The following HDAC11 variants were observed in gnomAD, a reference collection of about 807,000 sequenced individuals.
The protein encoded by HDAC11 is histone deacetylase 11.
In HDAC11, 23 loss-of-function variants were observed where a neutral mutation model predicts 41.1. That is an observed-to-expected ratio of 0.56 (90% CI 0.40 to 0.79). HDAC11 has a LOEUF of 0.79. Ranked by LOEUF, HDAC11 falls within the 30% of genes least tolerant of loss-of-function variation. HDAC11 has a pLI of 0.00. For synonymous variants in HDAC11, 187 were observed against 186.6 expected (o/e 1.00, Z -0.02); for missense variants, 402 against 477.3 (o/e 0.84, Z 1.47).
chr3:13,504,498 C>G lies in HDAC11; in HGVS notation c.859C>G (p.Arg287Gly). 1.2e-6 allele frequency: 2 copies of G among 1,613,396 alleles called. No homozygotes were observed. Among genetic ancestry groups the G allele is most frequent in the Non-Finnish European group, 1.7e-6 (2 of 1,180,014 alleles). The change falls in exon 10 of 10, where the codon CGG becomes GGG. Residue 287 changes from arginine (R) to glycine (G), a missense_variant. By Grantham distance (125) the Arg-to-Gly change is moderately radical (BLOSUM62 -2). Coordinates refer to ENST00000295757, the MANE Select transcript of HDAC11 (RefSeq NM_024827.4). Reference sequence around the variant, plus strand: ...CGTGAAGCGGGATGAGCTGGTGTTCCGGATGGTCCGTGGCCGCCGGGTGCC... The same window carrying G: ...CGTGAAGCGGGATGAGCTGGTGTTCGGGATGGTCCGTGGCCGCCGGGTGCC... ...GIVKRDELVF[R>G]MVRGRRVPIL...
intron 5 of HDAC11, among the ~76,000 whole-genome samples, chr3:13,499,830 T>C (rs1375375288): frequency 6.6e-6 from 1 of 152,204 alleles, no homozygotes; most frequent in East Asian, 1.9e-4. Flanking sequence ...TGGCAGGTGT[T>C]ACTGCCTGGT....
chr3:13,480,328 T>C lies in HDAC11; in HGVS notation c.-20T>C. 1 of 1,227,454 alleles carries C rather than the reference T, an allele frequency of 8.1e-7. No homozygotes were observed. The highest frequency in any genetic ancestry group is 3.8e-5 in the South Asian group (1 of 26,344). The allele number at this position is 1,227,454 out of a possible 1,614,324, so 76.0% of individuals were successfully genotyped here. On this transcript the variant is annotated 5_prime_UTR_variant, in exon 1 of 10. Transcript: ENST00000295757. The surrounding 1 kb of genome is among the most constrained non-coding windows in gnomAD (Gnocchi z 4.6). ...CCCGGTCGCGGAGCTGCGGCCAGCT[T>C]TGGGAGGGCCGGCCCCGGGATGTGA... is the stretch of plus-strand genomic sequence containing the variant.
chr3:13,502,657 G>A lies in HDAC11; in HGVS notation c.553-227G>A, dbSNP rs75342174. Reference sequence around the variant, plus strand: ...GAGCGGGATTTCTTCCTCTGATAGGGAACCTAAGAGCACTGGGCTTGCTCA... The same window carrying A: ...GAGCGGGATTTCTTCCTCTGATAGGAAACCTAAGAGCACTGGGCTTGCTCA... On this transcript the variant is annotated intron_variant, in intron 7 of 9. Coordinates refer to ENST00000295757, the MANE Select transcript of HDAC11 (RefSeq NM_024827.4). This position sits in a 1 kb window ranked among gnomAD's most constrained non-coding sequence, Gnocchi z 4.1. 0.031 allele frequency: 14,514 copies of A among 465,384 alleles called. 288 individuals are homozygous for A. The highest frequency in any genetic ancestry group is 0.053 in the Middle Eastern group (87 of 1,638). The allele number at this position is 465,384 out of a possible 1,614,324, so 28.8% of individuals were successfully genotyped here.
rs763886026 is a variant in HDAC11 at position 13,504,122 on chromosome 3, G to A, written c.678G>A (p.Glu226=). 1 of 1,613,976 alleles carries A rather than the reference G, an allele frequency of 6.2e-7. No individual in the cohort carries two copies. Among genetic ancestry groups the A allele is most frequent in the East Asian group, 2.2e-5 (1 of 44,898 alleles). The part of the protein sequence containing the change: ...KQAIRRKVEL[E]WGTEDDEYLD... ...CCATCAGGCGGAAGGTGGAGCTGGA[G>A]TGGGGCACAGAGGATGATGAGTACC... The change falls in exon 9 of 10, where the codon GAG becomes GAA. Residue 226 remains glutamate, a synonymous_variant. Transcript: ENST00000295757.
At chr3:13,496,565 G>A in intron 3 of HDAC11, 171 bp from the exon 4 acceptor site, 1 of 559,680 alleles carries the variant, frequency 1.8e-6, no homozygotes, top group Non-Finnish European at 3.2e-6. Context: ...CAGGAGCCTG[G>A]TAGGGTTGTG....
At chr3:13,496,946 A>G in intron 4 of HDAC11, 94 bp downstream of exon 4, 1 of 584,160 alleles carries the variant, frequency 1.7e-6, no homozygotes, top group South Asian at 2.5e-5. Flanking sequence ...CCTCCCACTT[A>G]GTAGTTGAAC....
intron 3 of HDAC11, chr3:13,496,501 C>G (rs1052631833): frequency 7.3e-6 from 3 of 412,018 alleles, no homozygotes; most frequent in Non-Finnish European, 1.3e-5. Context: ...CCCTGGCCAA[C>G]TAGCTTTAAG....
At chr3:13,500,620 G>A (rs1285524748) in intron 5 of HDAC11, 93 bp from the exon 6 acceptor site, 1 of 1,011,768 alleles carries the variant, frequency 9.9e-7, no homozygotes, top group Admixed American at 2.0e-5. Flanking sequence ...AGCTGAGCAG[G>A]GAGGATGCTG....
At chr3:13,497,394 GTC>G (rs1395513654) in intron 4 of HDAC11, among the ~76,000 whole-genome samples, 2 of 152,052 alleles carry the variant, frequency 1.3e-5, no homozygotes, top group Non-Finnish European at 2.9e-5. Flanking sequence ...GGCCAGGCTG[GTC>G]TTGAACTCCT....
chr3:13,496,720 C>T lies in HDAC11; in HGVS notation c.253-16C>T, dbSNP rs757482315. The T allele has an allele frequency of 5.1e-6, 8 of 1,558,858 alleles. No homozygotes were observed. The highest frequency in any genetic ancestry group is 6.1e-6 in the Non-Finnish European group (7 of 1,139,192). On this transcript the variant is annotated splice_polypyrimidine_tract_variant and intron_variant, in intron 3 of 9. Transcript: ENST00000295757. The stretch of plus-strand genomic sequence containing the variant: ...GTGGGGAAGCGGAGGCCAACAGCCC[C>T]TGTCTTTTTCCGCAGTGGTCCTTTG...
chr3:13,492,764 G>A (rs1431242945), intron 3 of HDAC11, among the ~76,000 whole-genome samples: 2 of 152,108 alleles, frequency 1.3e-5, no homozygotes, highest in Non-Finnish European at 2.9e-5. Context: ...GGCTGGTCGT[G>A]AACTCTGGAC....
At chr3:13,493,074 A>G (rs1340595035) in intron 3 of HDAC11, among the ~76,000 whole-genome samples, 1 of 152,190 alleles carries the variant, frequency 6.6e-6, no homozygotes, top group Non-Finnish European at 1.5e-5. Flanking sequence ...GGGCGAGACT[A>G]TCAGGGAGCC....
At chr3:13,495,038 A>T (rs1702031889) in intron 3 of HDAC11, among the ~76,000 whole-genome samples, 1 of 151,214 alleles carries the variant, frequency 6.6e-6, no homozygotes, top group African/African-American at 2.4e-5. Flanking sequence ...CCCATCCTAA[A>T]ACTCCTCCTC....
At chr3:13,494,172 C>T (rs938417791) in intron 3 of HDAC11, among the ~76,000 whole-genome samples, 10 of 152,292 alleles carry the variant, frequency 6.6e-5, no homozygotes, top group African/African-American at 2.2e-4. Flanking sequence ...ATGCCTTTCT[C>T]GTGGTTTGTG....
rs182751210 is a variant in HDAC11, at chr3:13,491,145, A to G, written c.253-5591A>G. 2.0e-5 allele frequency among the ~76,000 whole-genome samples: 3 copies of G among 150,724 alleles called. No individual in the cohort carries two copies. In the Admixed American group the frequency reaches 2.0e-4, roughly 10 times the overall value. On this transcript the variant is annotated intron_variant, in intron 3 of 9. Coordinates refer to ENST00000295757, the MANE Select transcript of HDAC11 (RefSeq NM_024827.4). ...TAGGATCCTCTATATATAACATCAT[A>G]CCGTCTGTGAAGAGAGGTAGCTTCC...
rs1702102858 is a variant in HDAC11, at chr3:13,496,521, G to GT, written c.253-214dup. The GT allele has an allele frequency of 4.8e-5, 23 of 478,784 alleles. 2 individuals are homozygous for GT. In the South Asian group the frequency reaches 6.5e-4, roughly 13 times the overall value. The allele number at this position is 478,784 out of a possible 1,614,324, so 29.7% of individuals were successfully genotyped here. ...GCCAACTAGCTTTAAGAAATGCATT[G>GT]TGTAAACTGCTCTTTACTGAGCCCA... On this transcript the variant is annotated intron_variant, in intron 3 of 9. Transcript: ENST00000295757.
Position 13,504,083 on chromosome 3 carries a change from C to G in HDAC11, c.650-11C>G, listed in dbSNP as rs1309426445. 2.5e-6 allele frequency: 4 copies of G among 1,613,240 alleles called. No individual in the cohort carries two copies. The African/African-American group carries it at 5.3e-5, about 21-fold the overall frequency. On this transcript the variant is annotated splice_polypyrimidine_tract_variant and intron_variant, in intron 8 of 9. Coordinates refer to ENST00000295757, the MANE Select transcript of HDAC11 (RefSeq NM_024827.4). ...CTCTATAAATTGAGGCCATCCATGT[C>G]TCTCTCCCAGAGGCCATCAGGCGGA... is the stretch of plus-strand genomic sequence containing the variant.
intron 6 of HDAC11, 129 bp downstream of exon 6, chr3:13,500,918 T>C (rs1457410952): frequency 1.5e-6 from 1 of 684,160 alleles, no homozygotes; most frequent in African/African-American, 1.9e-5. Context: ...AGGGGGCTTG[T>C]TTGGGTTGCT....
intron 3 of HDAC11, among the ~76,000 whole-genome samples, chr3:13,486,569 G>GGGTTT (rs1701589600): frequency 3.2e-5 from 4 of 123,484 alleles, no homozygotes; most frequent in African/African-American, 1.5e-4. Context: ...TCATGTAGAG[G>GGGTTT]TGTTTTTTTT....
Sources: allele counts gnomAD v4.1 joint callset (sites outside exome capture counted in the v4.1 genomes callset), GRCh38; gene constraint gnomAD v4.1.1; non-coding constraint Gnocchi (gnomAD v3.1); transcripts MANE v1.5; gene names NCBI Gene and HGNC (gene_info 2026-07-23, HGNC 2026-07-21).